NOD1: variants seen among roughly 807,000 people sequenced by gnomAD.
NOD1 encodes nucleotide binding oligomerization domain containing 1.
Under a neutral mutation model 81.2 loss-of-function variants are expected in NOD1, and 70 were observed. The observed-to-expected ratio is 0.86, with a 90% CI of 0.71 to 1.05. The LOEUF (loss-of-function observed/expected upper bound fraction) is 1.05. Ranked by LOEUF, NOD1 falls within the 50% of genes least tolerant of loss-of-function variation. The pLI, the probability that NOD1 is intolerant of heterozygous loss-of-function variation, is 0.00. For missense variants in NOD1, 1,233 were observed against 1,228.0 expected (o/e 1.00, Z -0.06); for synonymous variants, 508 against 526.9 (o/e 0.96, Z 0.49).
intron 1 of NOD1, chr7:30,464,017 G>A (rs1360078913): frequency 2.0e-5 from 3 of 152,068 alleles, no homozygotes; most frequent in Non-Finnish European, 4.4e-5. Flanking sequence ...AACTGCTAAG[G>A]CCCTCTTTGG....
chr7:30,439,404 G>A lies in NOD1; in HGVS notation c.2454-1748C>T, dbSNP rs562597115. Among the ~76,000 whole-genome samples, 895 of 140,052 alleles carry A rather than the reference G, an allele frequency of 6.4e-3. 78 individuals are homozygous for A. The highest frequency in any genetic ancestry group is 0.025 in the African/African-American group (837 of 33,026). 91.9% of individuals were successfully genotyped at this position (140,052 alleles called of 152,430 possible). A position where few individuals can be genotyped will look rare whatever the true frequency, so the allele number is the denominator to read the frequency against. ...GCGCAGGCCAGTGTGTGCGCGCACC[G>A]TGCGCGAGCCGAAGCAGGGCGAGGC... is the stretch of plus-strand genomic sequence containing the variant. On this transcript the variant is annotated intron_variant, in intron 9 of 13. Transcript: ENST00000222823.
intron 12 of NOD1, among the ~76,000 whole-genome samples, chr7:30,429,694 A>G (rs1354427542): frequency 6.6e-6 from 1 of 152,184 alleles, no homozygotes; most frequent in African/African-American, 2.4e-5. Context: ...GTAATACATG[A>G]ACTGATGTGT....
chr7:30,454,071 G>C (rs1230402466), intron 5 of NOD1, among the ~76,000 whole-genome samples: 7 of 152,360 alleles, frequency 4.6e-5, no homozygotes, highest in East Asian at 1.9e-4. Context: ...GGAGCAGACA[G>C]AGTCAGAAGC....
intron 9 of NOD1, 56 bp from the exon 10 acceptor site, chr7:30,437,712 C>A: frequency 7.6e-7 from 1 of 1,322,824 alleles, no homozygotes; most frequent in Non-Finnish European, 1.0e-6. Flanking sequence ...GCCATGCTCA[C>A]CCCTCCTTTT....
chr7:30,431,471 G>C (rs1004427820), intron 12 of NOD1, among the ~76,000 whole-genome samples: 1 of 152,212 alleles, frequency 6.6e-6, no homozygotes, highest in Admixed American at 6.5e-5. Flanking sequence ...GACCAGAACA[G>C]AGAATTCAGA....
intron 1 of NOD1, among the ~76,000 whole-genome samples, chr7:30,476,891 T>C (rs561877746): frequency 6.6e-6 from 1 of 152,214 alleles, no homozygotes; most frequent in Non-Finnish European, 1.5e-5. Context: ...TTCTCCCTCA[T>C]AGTGGCTGTA....
chr7:30,425,043 C>T lies in NOD1; in HGVS notation c.*595G>A, dbSNP rs917767675. 1 of 152,586 alleles carries T rather than the reference C, an allele frequency of 6.6e-6. No individual in the cohort carries two copies. Among genetic ancestry groups the T allele is most frequent in the African/African-American group, 2.4e-5 (1 of 41,450 alleles). The allele number at this position is 152,586 out of a possible 1,614,324, so 9.5% of individuals were successfully genotyped here. ...AGCCCGTGGTGCATCCTTTCCTTGA[C>T]ATTAACTTTCCACAAAACCTTGGAG... is the stretch of plus-strand genomic sequence containing the variant. On this transcript the variant is annotated 3_prime_UTR_variant, in exon 14 of 14. Coordinates refer to ENST00000222823, the MANE Select transcript of NOD1 (RefSeq NM_006092.4).
chr7:30,451,769 G>A lies in NOD1; in HGVS notation c.1648C>T (p.Pro550Ser). ...CAGGACGTGGTCGCTGCCCCCGCAGGGGGCATCCACTCCTGGAAGAACCTG... is the reference window on the plus strand; with the variant it reads ...CAGGACGTGGTCGCTGCCCCCGCAGAGGGCATCCACTCCTGGAAGAACCTG... ...LLRFFQEWMP[P>S]AGAATTSCYP... Residue 550 changes from proline (P) to serine (S), a missense_variant, in exon 6 of 14, where the codon CCT (proline) becomes TCT (serine). Coordinates refer to ENST00000222823, the MANE Select transcript of NOD1 (RefSeq NM_006092.4). This position sits in a 1 kb window ranked among gnomAD's most constrained non-coding sequence, Gnocchi z 4.2. 1 of 1,613,790 alleles carries A rather than the reference G, an allele frequency of 6.2e-7. No homozygotes were observed. The highest frequency in any genetic ancestry group is 8.5e-7 in the Non-Finnish European group (1 of 1,180,012).
At chr7:30,453,746 C>A (rs1422093303) in intron 5 of NOD1, among the ~76,000 whole-genome samples, 1 of 152,222 alleles carries the variant, frequency 6.6e-6, no homozygotes. Flanking sequence ...GTGCAAACCT[C>A]ACCACAGTCC....
At chr7:30,462,197 T>A (rs1333041664) in intron 1 of NOD1, among the ~76,000 whole-genome samples, 2 of 152,238 alleles carry the variant, frequency 1.3e-5, no homozygotes. Flanking sequence ...CACTGCTGCA[T>A]ACAATTTTGC....
At chr7:30,437,166 T>A (rs557504770) in intron 10 of NOD1, among the ~76,000 whole-genome samples, 41 of 151,048 alleles carry the variant, frequency 2.7e-4, no homozygotes, top group African/African-American at 8.8e-4. Context: ...TAAGTGGGAG[T>A]TGAACAATGA....
intron 13 of NOD1, 129 bp downstream of exon 13, chr7:30,429,245 G>A: frequency 2.5e-6 from 2 of 802,392 alleles, no homozygotes; most frequent in Admixed American, 3.6e-5. Context: ...TAAAACAGAG[G>A]TAATACCATT....
chr7:30,436,550 C>CTAAG (rs141792583), intron 10 of NOD1, among the ~76,000 whole-genome samples: 5,399 of 152,310 alleles, frequency 0.035, 157 homozygotes, highest in Non-Finnish European at 0.048. Flanking sequence ...GGCCAGCAGC[C>CTAAG]TAAGCGGGGG....
intron 1 of NOD1, chr7:30,469,179 C>T: frequency 3.0e-6 from 3 of 985,430 alleles, no homozygotes; most frequent in Non-Finnish European, 3.6e-6. Context: ...GGAAAACAAG[C>T]CCGGTCATGT....
intron 6 of NOD1, among the ~76,000 whole-genome samples, chr7:30,450,405 A>G (rs1481596911): frequency 1.3e-5 from 2 of 152,218 alleles, no homozygotes; most frequent in Non-Finnish European, 2.9e-5. Flanking sequence ...GTCAGTTCCA[A>G]ATCCCTACTG....
chr7:30,433,685 A>T (rs945661201), intron 11 of NOD1, among the ~76,000 whole-genome samples: 3 of 152,218 alleles, frequency 2.0e-5, no homozygotes, highest in Non-Finnish European at 4.4e-5. Context: ...AAGTCTCTCA[A>T]TGGTCCTTAG....
At position 30,478,762 on chromosome 7, in the gene NOD1, C is replaced by T. The variant is rs1173011308; in HGVS notation, c.-508G>A. On this transcript the variant is annotated 5_prime_UTR_variant, in exon 1 of 14. Transcript: ENST00000222823. The surrounding 1 kb of genome is among the most constrained non-coding windows in gnomAD (Gnocchi z 4.1). The stretch of plus-strand genomic sequence containing the variant: ...GGAGGGGCAGGACCGGGGCGGCTGC[C>T]TCGCGGGCCCGGAACGGGAACTGGC... 6.6e-6 allele frequency: 1 copy of T among 152,244 alleles called. No homozygotes were observed. The highest frequency in any genetic ancestry group is 1.5e-5 in the Non-Finnish European group (1 of 68,038). The allele number at this position is 152,244 out of a possible 1,614,324, so 9.4% of individuals were successfully genotyped here.
rs117838683 is a variant in NOD1, at chr7:30,450,421, T to C, written c.2201+795A>G. ...TCAGTTCCAAATCCCTACTGCTTTT[T>C]AGAAATGCATGAGTCAAGTAATGGC... On this transcript the variant is annotated intron_variant, in intron 6 of 13. Transcript: ENST00000222823. 7.2e-3 allele frequency among the ~76,000 whole-genome samples: 1,100 copies of C among 152,346 alleles called. 13 individuals carry two copies. Among genetic ancestry groups the C allele is most frequent in the Admixed American group, 0.025 (376 of 15,304 alleles).
chr7:30,452,471 T>C lies in NOD1; in HGVS notation c.946A>G (p.Asn316Asp), dbSNP rs771816855. ...TTGAGCAGCTTCCCACTGAGCAGGTTGGCCAGCAAGACCAGGGGGTGGGCA... is the reference window on the plus strand; with the variant it reads ...TTGAGCAGCTTCCCACTGAGCAGGTCGGCCAGCAAGACCAGGGGGTGGGCA... The part of the protein sequence containing the change: ...EPAHPLVLLA[N>D]LLSGKLLKGA... Residue 316 changes from asparagine to aspartate, a missense_variant, in exon 6 of 14, where the codon AAC becomes GAC. Coordinates refer to ENST00000222823, the MANE Select transcript of NOD1 (RefSeq NM_006092.4). The C allele has an allele frequency of 6.2e-7, 1 of 1,613,294 alleles. No individual in the cohort carries two copies. Among genetic ancestry groups the C allele is most frequent in the South Asian group, 1.1e-5 (1 of 91,070 alleles).
Sources: allele counts gnomAD v4.1 joint callset (sites outside exome capture counted in the v4.1 genomes callset), GRCh38; gene constraint gnomAD v4.1.1; non-coding constraint Gnocchi (gnomAD v3.1); transcripts MANE v1.5; gene names NCBI Gene and HGNC (gene_info 2026-07-23, HGNC 2026-07-21).